The following PTPRT variants were observed in gnomAD, a reference collection of about 807,000 sequenced individuals.
The protein encoded by PTPRT is receptor-type tyrosine-protein phosphatase T.
PTPRT carries 56 observed loss-of-function variants against 176.8 expected under a neutral mutation model. The ratio of observed to expected loss-of-function variants is 0.32; its 90% CI spans 0.26 to 0.40. The LOEUF is 0.40. Ranked by LOEUF, PTPRT falls within the 10% of genes least tolerant of loss-of-function variation. The pLI is 1.00. For synonymous variants in PTPRT, 783 were observed against 739.0 expected (o/e 1.06, Z -0.96); for missense variants, 1,540 against 1,908.2 (o/e 0.81, Z 3.60).
At position 42,128,833 on chromosome 20, in the gene PTPRT, G is replaced by A. The variant is rs779893941; in HGVS notation, c.2771-3C>T. On this transcript the variant is annotated splice_polypyrimidine_tract_variant and splice_region_variant and intron_variant, in intron 18 of 30. Transcript: ENST00000373187. ...CAGCCTCACCCGGGAATGGTCGTCT[G>A]CAGAGAGAGCAGAAATCAAGGGGAT... The A allele has an allele frequency of 1.5e-5, 24 of 1,601,574 alleles. No individual in the cohort carries two copies. Among genetic ancestry groups the A allele is most frequent in the Non-Finnish European group, 2.0e-5 (23 of 1,173,534 alleles).
At chr20:42,352,329 C>A (rs1194026314) in intron 9 of PTPRT, 44 bp from the exon 10 acceptor site, 1 of 1,599,724 alleles carries the variant, frequency 6.3e-7, no homozygotes, top group Admixed American at 1.7e-5. Flanking sequence ...AAATGCCTCA[C>A]TCAGGAAGCT....
chr20:43,063,964 G>A (rs745881338), intron 1 of PTPRT, among the ~76,000 whole-genome samples: 2 of 151,926 alleles, frequency 1.3e-5, no homozygotes, highest in Non-Finnish European at 2.9e-5. Flanking sequence ...CTAATAGCAT[G>A]GTACGTTTAT....
intron 23 of PTPRT, among the ~76,000 whole-genome samples, chr20:42,107,138 T>C (rs184442445): frequency 3.7e-4 from 57 of 152,382 alleles, no homozygotes; most frequent in Admixed American, 9.8e-4. Context: ...AATACATCCA[T>C]ATAGCATAAA....
At chr20:42,221,063 C>CG (rs1468954730) in intron 15 of PTPRT, among the ~76,000 whole-genome samples, 1 of 152,092 alleles carries the variant, frequency 6.6e-6, no homozygotes, top group Non-Finnish European at 1.5e-5. Flanking sequence ...TACAGTGGTG[C>CG]GATCTTGGCT....
chr20:42,190,983 C>T (rs1990980547), intron 16 of PTPRT, among the ~76,000 whole-genome samples: 1 of 152,080 alleles, frequency 6.6e-6, no homozygotes, highest in East Asian at 1.9e-4. Context: ...AATCATAACA[C>T]TTACTTAATT....
At chr20:42,525,204 T>C (rs1404907264) in intron 7 of PTPRT, among the ~76,000 whole-genome samples, 1 of 152,116 alleles carries the variant, frequency 6.6e-6, no homozygotes, top group Admixed American at 6.6e-5. Flanking sequence ...CCCAGGCTGG[T>C]CTCCAGCCTG....
In PTPRT at chr20:42,603,991, T is replaced by C. The variant is rs562405462; in HGVS notation, c.1153+73875A>G. On this transcript the variant is annotated intron_variant, in intron 7 of 30. Coordinates refer to ENST00000373187, the MANE Select transcript of PTPRT (RefSeq NM_007050.6). The stretch of plus-strand genomic sequence containing the variant: ...CCTTTGTCTTATGGTAAAAACATAT[T>C]TGTAGAAGCAAATCCAATAATAAAA... Among the ~76,000 whole-genome samples the C allele has an allele frequency of 1.8e-4, 28 of 152,286 alleles. No homozygotes were observed. In the South Asian group the frequency reaches 4.8e-3, roughly 26 times the overall value.
intron 2 of PTPRT, among the ~76,000 whole-genome samples, chr20:42,868,503 GTT>G (rs2078789349): frequency 1.3e-5 from 2 of 152,116 alleles, no homozygotes. Context: ...TCTCTTGACT[GTT>G]TATAGTAAAA....
chr20:43,181,955 G>A (rs1191429386), intron 1 of PTPRT, among the ~76,000 whole-genome samples: 1 of 152,078 alleles, frequency 6.6e-6, no homozygotes, highest in Non-Finnish European at 1.5e-5. Flanking sequence ...CACTTAAGGG[G>A]GACACGCACA....
intron 15 of PTPRT, among the ~76,000 whole-genome samples, chr20:42,208,571 A>T (rs992515758): frequency 1.3e-5 from 2 of 152,048 alleles, no homozygotes; most frequent in Admixed American, 6.6e-5. Context: ...TGGTAAAGGG[A>T]TCAATTCAAC....
Position 42,102,199 on chromosome 20 carries a change from A to G in PTPRT, c.3639T>C (p.Pro1213=), listed in dbSNP as rs1986005353. The change falls in exon 26 of 31, where the codon CCT becomes CCC. Residue 1213 remains proline (P), a synonymous_variant. Coordinates refer to ENST00000373187, the MANE Select transcript of PTPRT (RefSeq NM_007050.6). ...HDKNRSMDVL[P]LDRCLPFLIS... ...TAAGGAAGGGCAGGCAGCGGTCCAGAGGCAGCACGTCCATACTTCGATTCT... is the reference window on the plus strand; with the variant it reads ...TAAGGAAGGGCAGGCAGCGGTCCAGGGGCAGCACGTCCATACTTCGATTCT... The G allele has an allele frequency of 6.2e-7, 1 of 1,614,108 alleles. No individual in the cohort carries two copies. Among genetic ancestry groups the G allele is most frequent in the African/African-American group, 1.3e-5 (1 of 75,030 alleles).
chr20:42,455,672 G>A (rs539306334), intron 8 of PTPRT, among the ~76,000 whole-genome samples: 3 of 152,010 alleles, frequency 2.0e-5, no homozygotes, highest in Non-Finnish European at 4.4e-5. Context: ...CCTCATCCTA[G>A]GGAGATTGAA....
intron 6 of PTPRT, among the ~76,000 whole-genome samples, chr20:42,737,824 A>G (rs542620217): frequency 2.0e-5 from 3 of 152,254 alleles, no homozygotes; most frequent in South Asian, 4.1e-4. Flanking sequence ...ATACCTCACA[A>G]TTGTACAGAT....
At chr20:42,652,883 C>A (rs897415650) in intron 7 of PTPRT, among the ~76,000 whole-genome samples, 2 of 152,142 alleles carry the variant, frequency 1.3e-5, no homozygotes, top group African/African-American at 4.8e-5. Context: ...AGGCAAATTT[C>A]CCAGCATTCT....
At chr20:42,445,067 C>G (rs1012972808) in intron 9 of PTPRT, among the ~76,000 whole-genome samples, 14 of 152,258 alleles carry the variant, frequency 9.2e-5, no homozygotes, top group African/African-American at 3.4e-4. Flanking sequence ...ACTGGAGAGG[C>G]CTGAGCTGCT....
At chr20:42,911,352 C>CTAG (rs1978367697) in intron 1 of PTPRT, among the ~76,000 whole-genome samples, 3 of 152,076 alleles carry the variant, frequency 2.0e-5, no homozygotes, top group East Asian at 3.9e-4. Context: ...TATATACTAG[C>CTAG]TATTATTATT....
At chr20:42,643,906 A>G (rs920944483) in intron 7 of PTPRT, among the ~76,000 whole-genome samples, 30 of 151,406 alleles carry the variant, frequency 2.0e-4, no homozygotes, top group African/African-American at 6.9e-4. Context: ...CTCTGAGCTT[A>G]TGGCTCCTTC....
chr20:42,991,622 G>C (rs1339539369), intron 1 of PTPRT, among the ~76,000 whole-genome samples: 1 of 151,994 alleles, frequency 6.6e-6, no homozygotes, highest in African/African-American at 2.4e-5. Context: ...TGATGAAAAA[G>C]TTCTAGAAAT....
chr20:42,641,448 T>C (rs1030086089), intron 7 of PTPRT, among the ~76,000 whole-genome samples: 1 of 152,168 alleles, frequency 6.6e-6, no homozygotes, highest in African/African-American at 2.4e-5. Context: ...ATACATTCTC[T>C]CTGTCTCCTC....
Sources: gnomAD v4.1 joint callset for allele counts (sites outside exome capture counted in the v4.1 genomes callset) on GRCh38, gnomAD v4.1.1 for gene constraint, MANE v1.5 for transcripts, NCBI Gene and HGNC (gene_info 2026-07-23, HGNC 2026-07-21) for gene names.